Variants in ANO2 observed in about 807,000 individuals in gnomAD.
The protein encoded by ANO2 is anoctamin-2.
In ANO2, 101 loss-of-function variants were observed where a neutral mutation model predicts 124.2. The observed-to-expected ratio is 0.81, with a 90% CI of 0.69 to 0.96. The LOEUF (loss-of-function observed/expected upper bound fraction) is 0.96, where lower values mean the gene tolerates loss of function less well. Ranked by LOEUF, ANO2 falls within the 40% of genes least tolerant of loss-of-function variation. ANO2 has a pLI of 0.00. For missense variants in ANO2, 1,293 were observed against 1,274.5 expected, an observed-to-expected ratio of 1.01 and a Z score of -0.22; for synonymous variants, 486 against 482.5, an observed-to-expected ratio of 1.01 and a Z score of -0.09.
chr12:5,771,986 G>C (rs1306990516), intron 10 of ANO2, among the ~76,000 whole-genome samples: 1 of 152,144 alleles, frequency 6.6e-6, no homozygotes, highest in East Asian at 1.9e-4. Flanking sequence ...AGAGACACAT[G>C]TTCATGCCCC....
chr12:5,640,766 A>G (rs11063792), intron 15 of ANO2, among the ~76,000 whole-genome samples: 41,414 of 152,078 alleles, frequency 0.27, 7,080 homozygotes, highest in East Asian at 0.44. Context: ...ACACTTTTAC[A>G]CTGTTGGTGG....
At chr12:5,840,560 T>G (rs536463914) in intron 4 of ANO2, among the ~76,000 whole-genome samples, 3 of 152,016 alleles carry the variant, frequency 2.0e-5, no homozygotes, top group African/African-American at 7.2e-5. Context: ...TGCACAAACA[T>G]TGGGAGATCC....
chr12:5,858,300 C>T (rs1362106494), intron 3 of ANO2, among the ~76,000 whole-genome samples: 3 of 152,114 alleles, frequency 2.0e-5, no homozygotes, highest in Admixed American at 1.3e-4. Flanking sequence ...TAAGTATGTA[C>T]AGTTACATCA....
At chr12:5,747,915 C>A (rs769661218) in intron 11 of ANO2, among the ~76,000 whole-genome samples, 1 of 152,238 alleles carries the variant, frequency 6.6e-6, no homozygotes, top group Non-Finnish European at 1.5e-5. Context: ...CTGCATTTTA[C>A]ACTTGAATAT....
chr12:5,890,045 AT>A (rs111396649), intron 3 of ANO2, among the ~76,000 whole-genome samples: 10,845 of 144,128 alleles, frequency 0.075, 520 homozygotes, highest in African/African-American at 0.15. Context: ...TTAAAATTCC[AT>A]TTTTTTTTTT....
At chr12:5,923,433 G>T (rs1941931428) in intron 1 of ANO2, among the ~76,000 whole-genome samples, 1 of 152,206 alleles carries the variant, frequency 6.6e-6, no homozygotes, top group African/African-American at 2.4e-5. Context: ...AATACCAAAG[G>T]CTTAGGCTTT....
chr12:5,639,452 G>A (rs1418872799), intron 15 of ANO2, among the ~76,000 whole-genome samples: 20 of 152,094 alleles, frequency 1.3e-4, no homozygotes, highest in Admixed American at 1.3e-3. Context: ...GGAAAACATA[G>A]ACAATAAACT....
intron 7 of ANO2, among the ~76,000 whole-genome samples, chr12:5,809,302 A>C (rs1211787979): frequency 6.6e-6 from 1 of 151,432 alleles, no homozygotes; most frequent in Admixed American, 6.6e-5. Context: ...CCGGGAGGGG[A>C]GTTTGTGGGA....
chr12:5,667,419 A>G (rs1392089176), intron 14 of ANO2, among the ~76,000 whole-genome samples: 1 of 151,948 alleles, frequency 6.6e-6, no homozygotes, highest in Non-Finnish European at 1.5e-5. Flanking sequence ...GACCTAATGA[A>G]GACTCCTAGT....
intron 14 of ANO2, among the ~76,000 whole-genome samples, chr12:5,665,353 C>A (rs1223257439): frequency 6.6e-6 from 1 of 152,180 alleles, no homozygotes; most frequent in Non-Finnish European, 1.5e-5. Flanking sequence ...TTCATGCCAT[C>A]CATCTCCGAC....
Position 5,599,520 on chromosome 12 carries a change from G to A in ANO2, c.2197C>T (p.Pro733Ser). Residue 733 changes from proline to serine, a missense_variant, in exon 20 of 25, where the codon CCA becomes TCA. Physicochemically the swap from Pro to Ser is moderately conservative, Grantham distance 74. Coordinates refer to ENST00000682330, the MANE Select transcript of ANO2 (RefSeq NM_001364791.2). ...TACTCCGGAGTCAGTCCTGTGTATGGTTCCAAGCTGTAGTCTAGGTCCCAC... is the reference window on the plus strand; with the variant it reads ...TACTCCGGAGTCAGTCCTGTGTATGATTCCAAGCTGTAGTCTAGGTCCCAC... The part of the protein sequence containing the change: ...EQWDLDYSLE[P>S]YTGLTPEYME... 1 of 1,613,608 alleles carries A rather than the reference G, an allele frequency of 6.2e-7. No individual in the cohort carries two copies. Among genetic ancestry groups the A allele is most frequent in the East Asian group, 2.2e-5 (1 of 44,864 alleles).
chr12:5,792,687 C>G (rs1442814965), intron 10 of ANO2, among the ~76,000 whole-genome samples: 1 of 152,184 alleles, frequency 6.6e-6, no homozygotes, highest in Non-Finnish European at 1.5e-5. Flanking sequence ...GGCCAATTTT[C>G]CCTCGTGATC....
chr12:5,842,403 C>T (rs888202475), intron 4 of ANO2, among the ~76,000 whole-genome samples: 9 of 152,288 alleles, frequency 5.9e-5, no homozygotes, highest in African/African-American at 1.4e-4. Flanking sequence ...TGAAGGAGTC[C>T]TTTAGCAAAG....
chr12:5,584,239 C>T (rs1262528256), intron 20 of ANO2, among the ~76,000 whole-genome samples: 2 of 150,792 alleles, frequency 1.3e-5, no homozygotes, highest in African/African-American at 2.5e-5. Flanking sequence ...TGAGGGCTGG[C>T]GGCTCTGCCT....
At chr12:5,916,702 C>T (rs1941400059) in intron 3 of ANO2, among the ~76,000 whole-genome samples, 1 of 141,916 alleles carries the variant, frequency 7.0e-6, no homozygotes, top group South Asian at 2.4e-4. Flanking sequence ...CTGTTCTACA[C>T]AATAAAGTCT....
chr12:5,749,295 A>G (rs17195529), intron 11 of ANO2, among the ~76,000 whole-genome samples: 17,276 of 152,218 alleles, frequency 0.11, 1,066 homozygotes, highest in Admixed American at 0.17. Context: ...TATGGAGGGA[A>G]CATCAAGTTG....
chr12:5,693,447 C>T (rs1035552114), intron 14 of ANO2, among the ~76,000 whole-genome samples: 16 of 152,116 alleles, frequency 1.1e-4, no homozygotes, highest in African/African-American at 3.4e-4. Flanking sequence ...CCCTAGTTTG[C>T]GCCACTGTCA....
upstream of ANO2, among the ~76,000 whole-genome samples, chr12:5,945,853 C>A (rs1471851658): frequency 1.3e-5 from 2 of 152,132 alleles, no homozygotes; most frequent in East Asian, 3.9e-4. Flanking sequence ...CTGCCAGAGG[C>A]AGGAGGAGGG....
chr12:5,872,419 G>A (rs564091970), intron 3 of ANO2, among the ~76,000 whole-genome samples: 15 of 152,182 alleles, frequency 9.9e-5, no homozygotes, highest in Admixed American at 6.5e-4. Context: ...TTAAGGTACT[G>A]GAGGCTGATG....
Sources: gnomAD v4.1 joint callset for allele counts (sites outside exome capture counted in the v4.1 genomes callset) on GRCh38, gnomAD v4.1.1 for gene constraint, MANE v1.5 for transcripts, NCBI Gene and HGNC (gene_info 2026-07-23, HGNC 2026-07-21) for gene names.